Variants in TYR observed in about 807,000 individuals in gnomAD.
TYR encodes the protein tyrosinase, also known as LB24-AB.
Under a neutral mutation model 51.5 loss-of-function variants are expected in TYR, and 58 were observed. The observed-to-expected ratio is 1.13, with a 90% confidence interval of 0.91 to 1.40. The LOEUF (loss-of-function observed/expected upper bound fraction) is 1.40. Among genes scored for constraint, TYR ranks in the 40% most tolerant of loss-of-function variants. TYR has a pLI of 0.00. For missense variants in TYR, 732 were observed against 647.4 expected, an observed-to-expected ratio of 1.13 and a Z score of -1.42; for synonymous variants, 263 against 235.2, an observed-to-expected ratio of 1.12 and a Z score of -1.08.
At chr11:89,198,320 G>C (rs7929015) in intron 2 of TYR, among the ~76,000 whole-genome samples, 3 of 151,856 alleles carry the variant, frequency 2.0e-5, no homozygotes, top group African/African-American at 7.3e-5. Context: ...ATGGAGTGAC[G>C]CATTCTAGTA....
chr11:89,182,184 C>T (rs757642799), intron 1 of TYR, among the ~76,000 whole-genome samples: 1 of 152,104 alleles, frequency 6.6e-6, no homozygotes, highest in Non-Finnish European at 1.5e-5. Context: ...AGGTGGTGAT[C>T]ATTTCTAAAT....
chr11:89,196,679 A>T (rs1943523917), intron 2 of TYR, among the ~76,000 whole-genome samples: 1 of 152,202 alleles, frequency 6.6e-6, no homozygotes, highest in Admixed American at 6.5e-5. Flanking sequence ...TAACAAATGC[A>T]GTTTATGACT....
chr11:89,218,864 A>G (rs7112373), intron 2 of TYR, among the ~76,000 whole-genome samples: 26,061 of 152,102 alleles, frequency 0.17, 2,676 homozygotes, highest in African/African-American at 0.29. Flanking sequence ...AGTGTTCCAA[A>G]TAGAAAAGCC....
chr11:89,196,587 A>C (rs1424218321), intron 2 of TYR, among the ~76,000 whole-genome samples: 3 of 152,210 alleles, frequency 2.0e-5, no homozygotes, highest in African/African-American at 7.2e-5. Flanking sequence ...ACATATACCA[A>C]GAATAGTGTA....
chr11:89,294,183 GT>G, intron 4 of TYR: 1 of 153,214 alleles, frequency 6.5e-6, no homozygotes. Flanking sequence ...CGATCCAGTA[GT>G]TTTTCCACAA....
At chr11:89,211,221 G>A (rs1163832317) in intron 2 of TYR, among the ~76,000 whole-genome samples, 3 of 152,038 alleles carry the variant, frequency 2.0e-5, no homozygotes, top group African/African-American at 4.8e-5. Context: ...CCCATCTCAC[G>A]TGCAAAGACA....
At chr11:89,254,052 C>T (rs1043073163) in intron 3 of TYR, among the ~76,000 whole-genome samples, 4 of 151,614 alleles carry the variant, frequency 2.6e-5, no homozygotes, top group African/African-American at 9.7e-5. Flanking sequence ...TGGATTTTGT[C>T]AAGTACATTT....
At chr11:89,292,140 AT>A (rs1479646881) in intron 4 of TYR, among the ~76,000 whole-genome samples, 2 of 151,806 alleles carry the variant, frequency 1.3e-5, no homozygotes, top group Admixed American at 6.6e-5. Context: ...TAATTTATAA[AT>A]TTTTTCCCTG....
intron 4 of TYR, among the ~76,000 whole-genome samples, chr11:89,294,572 G>T (rs1267835890): frequency 6.6e-6 from 1 of 152,184 alleles, no homozygotes; most frequent in African/African-American, 2.4e-5. Flanking sequence ...AACCAAGAGC[G>T]CCCCCAACCC....
intron 3 of TYR, among the ~76,000 whole-genome samples, chr11:89,251,589 C>T (rs906788505): frequency 1.1e-4 from 16 of 151,782 alleles, no homozygotes; most frequent in Non-Finnish European, 1.5e-4. Context: ...TTTTCTGTAG[C>T]TGTGTCCTTA....
Position 89,184,490 on chromosome 11 carries a change from A to T in TYR, c.819+5718A>T, listed in dbSNP as rs569379857. ...ACACGTCATAATTAATGTAGTGGGTATTGCTTCAGAATAAGGAAACTTGTG... is the reference window on the plus strand; with the variant it reads ...ACACGTCATAATTAATGTAGTGGGTTTTGCTTCAGAATAAGGAAACTTGTG... On this transcript the variant is annotated intron_variant, in intron 1 of 4. Coordinates refer to ENST00000263321, the MANE Select transcript of TYR (RefSeq NM_000372.5). Among the ~76,000 whole-genome samples, 275 of 152,264 alleles carry T rather than the reference A, an allele frequency of 1.8e-3. 1 individual carries two copies. Among genetic ancestry groups the T allele is most frequent in the African/African-American group, 6.3e-3 (263 of 41,552 alleles).
chr11:89,219,805 T>A (rs1175251251), intron 2 of TYR, among the ~76,000 whole-genome samples: 2 of 152,136 alleles, frequency 1.3e-5, no homozygotes, highest in Non-Finnish European at 2.9e-5. Flanking sequence ...AGGAAGCTGA[T>A]GAAGTTTTCA....
chr11:89,182,805 AG>A (rs1482028781), intron 1 of TYR, among the ~76,000 whole-genome samples: 1 of 152,154 alleles, frequency 6.6e-6, no homozygotes, highest in African/African-American at 2.4e-5. Flanking sequence ...TGCAACCAAC[AG>A]ATCAGCTAGC....
In TYR at chr11:89,267,534, A is replaced by T. The variant is rs535538902; in HGVS notation, c.1185-17239A>T. Among the ~76,000 whole-genome samples the T allele has an allele frequency of 2.0e-5, 3 of 152,002 alleles. No homozygotes were observed. The East Asian group carries it at 5.8e-4, about 30-fold the overall frequency. ...TGCCTGTAGGTAATAGCTTGTTAGT[A>T]TCTATTTTCTGAATATATGTTTTGA... On this transcript the variant is annotated intron_variant, in intron 3 of 4. Transcript: ENST00000263321.
intron 2 of TYR, among the ~76,000 whole-genome samples, chr11:89,210,182 G>C (rs143403754): frequency 6.6e-6 from 1 of 152,008 alleles, no homozygotes; most frequent in African/African-American, 2.4e-5. Context: ...GAGCTAAAAG[G>C]GGATGTTTAA....
intron 3 of TYR, among the ~76,000 whole-genome samples, chr11:89,277,605 T>G (rs1944671175): frequency 6.6e-6 from 1 of 151,702 alleles, no homozygotes; most frequent in African/African-American, 2.4e-5. Flanking sequence ...AAAAACATCT[T>G]ACAGCACATC....
chr11:89,279,548 T>C (rs1215759264), intron 3 of TYR, among the ~76,000 whole-genome samples: 1 of 151,758 alleles, frequency 6.6e-6, no homozygotes, highest in African/African-American at 2.4e-5. Context: ...CAATTTTCCC[T>C]GGGTCTTTGG....
At chr11:89,180,532 G>T in intron 1 of TYR, among the ~76,000 whole-genome samples, 1 of 150,700 alleles carries the variant, frequency 6.6e-6, no homozygotes, top group African/African-American at 2.5e-5. Context: ...TCATGAATGT[G>T]TTCAATTTTA....
chr11:89,210,242 T>C (rs956822495), intron 2 of TYR, among the ~76,000 whole-genome samples: 2 of 152,194 alleles, frequency 1.3e-5, no homozygotes, highest in Admixed American at 1.3e-4. Flanking sequence ...GATGAATGGC[T>C]AACTAGAATA....
Sources: gnomAD v4.1 joint callset for allele counts (sites outside exome capture counted in the v4.1 genomes callset) on GRCh38, gnomAD v4.1.1 for gene constraint, MANE v1.5 for transcripts, NCBI Gene and HGNC (gene_info 2026-07-23, HGNC 2026-07-21) for gene names.